The following RALYL variants were observed in gnomAD, a reference collection of about 807,000 sequenced individuals.
RALYL encodes the protein RALY RNA binding protein like, also known as RNA-binding Raly-like protein.
A neutral mutation model predicts 35.1 loss-of-function variants in RALYL; 29 were observed. The observed-to-expected ratio is 0.83, with a 90% CI of 0.61 to 1.13. The LOEUF (loss-of-function observed/expected upper bound fraction) is 1.13, where lower values mean the gene tolerates loss of function less well. Among genes scored for constraint, RALYL ranks in the 50% most tolerant of loss-of-function variants. The pLI is 0.00. For synonymous variants in RALYL, 120 were observed against 127.6 expected (o/e 0.94, Z 0.40); for missense variants, 359 against 360.4 (o/e 1.00, Z 0.03).
intron 1 of RALYL, among the ~76,000 whole-genome samples, chr8:84,400,538 TCA>T (rs2042784257): frequency 6.6e-6 from 1 of 152,204 alleles, no homozygotes; most frequent in South Asian, 2.1e-4. Flanking sequence ...CCTGTAGTGC[TCA>T]GTGTCTTATT....
At chr8:84,474,754 T>C (rs1157178817) in intron 1 of RALYL, among the ~76,000 whole-genome samples, 1 of 152,184 alleles carries the variant, frequency 6.6e-6, no homozygotes, top group Non-Finnish European at 1.5e-5. Context: ...TTTCAAACTA[T>C]CTGCATTTAT....
intron 2 of RALYL, among the ~76,000 whole-genome samples, chr8:84,570,021 G>A (rs1807540205): frequency 6.6e-6 from 1 of 151,872 alleles, no homozygotes; most frequent in Admixed American, 6.6e-5. Flanking sequence ...CAAGTAATGT[G>A]ATGCCTCCAT....
At chr8:84,859,220 G>A (rs1454033505) in intron 5 of RALYL, among the ~76,000 whole-genome samples, 3 of 152,096 alleles carry the variant, frequency 2.0e-5, no homozygotes, top group African/African-American at 7.2e-5. Context: ...CAATCAGTCC[G>A]ATTGGTTGCG....
intron 1 of RALYL, among the ~76,000 whole-genome samples, chr8:84,508,712 C>CA (rs1564057560): frequency 6.6e-6 from 1 of 151,430 alleles, no homozygotes; most frequent in South Asian, 2.1e-4. Flanking sequence ...TGGGTTTTAT[C>CA]AAAAAAAGTG....
intron 2 of RALYL, among the ~76,000 whole-genome samples, chr8:84,714,658 A>G (rs1026978414): frequency 4.6e-5 from 7 of 152,086 alleles, no homozygotes; most frequent in African/African-American, 1.7e-4. Context: ...AAACATCAGA[A>G]AGCAACTTTC....
intron 2 of RALYL, among the ~76,000 whole-genome samples, chr8:84,693,085 T>C (rs1214161670): frequency 6.6e-6 from 1 of 151,978 alleles, no homozygotes; most frequent in African/African-American, 2.4e-5. Flanking sequence ...TTATCAAATT[T>C]TTGGTAATTT....
intron 2 of RALYL, among the ~76,000 whole-genome samples, chr8:84,595,604 C>T (rs1814312943): frequency 6.6e-6 from 1 of 151,918 alleles, no homozygotes; most frequent in Admixed American, 6.6e-5. Flanking sequence ...TAATGTTAAA[C>T]AAAATGTTTG....
chr8:84,809,006 T>C (rs2134067648), intron 4 of RALYL, among the ~76,000 whole-genome samples: 1 of 152,310 alleles, frequency 6.6e-6, no homozygotes, highest in Middle Eastern at 3.4e-3. Context: ...TTTCTTTTTC[T>C]TGTCTAGTTG....
chr8:84,617,435 C>T (rs570913543), intron 2 of RALYL, among the ~76,000 whole-genome samples: 34,926 of 139,248 alleles, frequency 0.25, 4,979 homozygotes, highest in African/African-American at 0.36. Flanking sequence ...TTTTTGTACA[C>T]TGATTTTGTA....
intron 2 of RALYL, among the ~76,000 whole-genome samples, chr8:84,545,110 A>C (rs1278100047): frequency 1.3e-5 from 2 of 152,114 alleles, no homozygotes; most frequent in East Asian, 3.8e-4. Flanking sequence ...ACTGATATGC[A>C]ATATAAGAAA....
chr8:84,257,915 G>A (rs748102684), intron 1 of RALYL, among the ~76,000 whole-genome samples: 1 of 152,070 alleles, frequency 6.6e-6, no homozygotes, highest in African/African-American at 2.4e-5. Flanking sequence ...GAGACTATTT[G>A]GATAAAACTG....
At chr8:84,573,551 T>A (rs1335980758) in intron 2 of RALYL, among the ~76,000 whole-genome samples, 1 of 151,852 alleles carries the variant, frequency 6.6e-6, no homozygotes, top group Non-Finnish European at 1.5e-5. Context: ...ATTTATCCAG[T>A]AAGGTTTTTT....
At chr8:84,698,629 C>A (rs958787800) in intron 2 of RALYL, among the ~76,000 whole-genome samples, 8 of 151,786 alleles carry the variant, frequency 5.3e-5, no homozygotes, top group Non-Finnish European at 8.8e-5. Context: ...AGGAAAGAAA[C>A]CCCACAGAAT....
chr8:84,659,125 A>G (rs1360086504), intron 2 of RALYL, among the ~76,000 whole-genome samples: 5 of 152,282 alleles, frequency 3.3e-5, no homozygotes, highest in Non-Finnish European at 5.9e-5. Context: ...TTAGACTAAA[A>G]CAGCATTGTT....
chr8:84,526,032 A>G (rs1186131319), intron 1 of RALYL, among the ~76,000 whole-genome samples: 1 of 146,244 alleles, frequency 6.8e-6, no homozygotes. Flanking sequence ...GCTCACTGCA[A>G]CCTCTGACTC....
Position 84,459,875 on chromosome 8 carries a change from C to T in RALYL, c.-23-69424C>T, listed in dbSNP as rs565446025. Among the ~76,000 whole-genome samples the T allele has an allele frequency of 1.4e-4, 21 of 151,852 alleles. 2 individuals are homozygous for T. The South Asian group carries it at 4.1e-3, about 30-fold the overall frequency. ...ACTTCCTCTTCAGTTTTTTAGGACA[C>T]TGCTTCACATATTTCTTCTGCTTCT... On this transcript the variant is annotated intron_variant, in intron 1 of 8. Coordinates refer to ENST00000521268, the MANE Select transcript of RALYL (RefSeq NM_173848.7).
chr8:84,746,936 CTTAGG>C (rs1437780771), intron 2 of RALYL, among the ~76,000 whole-genome samples: 2 of 151,596 alleles, frequency 1.3e-5, no homozygotes, highest in African/African-American at 2.4e-5. Context: ...CAAGTCTTTT[CTTAGG>C]TTAGGTTCAA....
chr8:84,234,771 T>TA (rs1826121796), intron 1 of RALYL, among the ~76,000 whole-genome samples: 3 of 110,680 alleles, frequency 2.7e-5, no homozygotes, highest in Admixed American at 2.5e-4. Context: ...ATTTATTTAT[T>TA]TTTTTTTTTT....
Position 84,753,942 on chromosome 8 carries a change from G to C in RALYL, c.257-20637G>C, listed in dbSNP as rs1208153475. On this transcript the variant is annotated intron_variant, in intron 2 of 8. Transcript: ENST00000521268. The stretch of plus-strand genomic sequence containing the variant: ...TTTGGCTGCATAAATGTCTTCTTTT[G>C]AGAAGTGTCTGTTCATGTCCTTCGC... Among the ~76,000 whole-genome samples, 3 of 152,006 alleles carry C rather than the reference G, an allele frequency of 2.0e-5. No individual in the cohort carries two copies. The East Asian group carries it at 5.8e-4, about 29-fold the overall frequency.
Sources: allele counts gnomAD v4.1 joint callset (sites outside exome capture counted in the v4.1 genomes callset), GRCh38; gene constraint gnomAD v4.1.1; transcripts MANE v1.5; gene names NCBI Gene and HGNC (gene_info 2026-07-23, HGNC 2026-07-21).